EPHA5: variants seen among roughly 807,000 people sequenced by gnomAD.
EPHA5 encodes ephrin type-A receptor 5.
A neutral mutation model predicts 105.0 loss-of-function variants in EPHA5; 60 were observed. That is an observed-to-expected ratio of 0.57 (90% CI 0.46 to 0.71). The LOEUF is 0.71. EPHA5 is among the 30% of genes least tolerant of loss of function. The probability of loss-of-function intolerance (pLI) is 0.00; values close to 1 mark genes in which losing one functional copy is unlikely to be tolerated. For synonymous variants in EPHA5, 513 were observed against 449.1 expected (o/e 1.14, Z -1.80); for missense variants, 1,218 against 1,274.7 (o/e 0.96, Z 0.68).
At chr4:65,555,291 G>C (rs1738316960) in intron 3 of EPHA5, among the ~76,000 whole-genome samples, 1 of 151,854 alleles carries the variant, frequency 6.6e-6, no homozygotes, top group African/African-American at 2.4e-5. Flanking sequence ...ATACCCGAGG[G>C]CTGTATTTGG....
At chr4:65,372,240 G>C (rs1439026344) in intron 8 of EPHA5, among the ~76,000 whole-genome samples, 1 of 151,750 alleles carries the variant, frequency 6.6e-6, no homozygotes, top group Non-Finnish European at 1.5e-5. Flanking sequence ...TTTTCACTTC[G>C]GGATTTTCTC....
chr4:65,450,714 T>A (rs1304480398), intron 5 of EPHA5, among the ~76,000 whole-genome samples: 1 of 152,212 alleles, frequency 6.6e-6, no homozygotes, highest in Non-Finnish European at 1.5e-5. Flanking sequence ...TCAATTCATT[T>A]TTTTGACAGA....
intron 14 of EPHA5, among the ~76,000 whole-genome samples, chr4:65,346,402 T>G (rs995193039): frequency 1.3e-5 from 2 of 152,050 alleles, no homozygotes; most frequent in Admixed American, 1.3e-4. Context: ...CTTATGGATT[T>G]TTCCTGTTTT....
At chr4:65,369,686 G>A (rs1718266975) in intron 8 of EPHA5, among the ~76,000 whole-genome samples, 1 of 152,048 alleles carries the variant, frequency 6.6e-6, no homozygotes, top group Non-Finnish European at 1.5e-5. Flanking sequence ...ACAGTTATCT[G>A]GCTGGGCGTG....
chr4:65,518,222 T>C (rs1435803301), intron 3 of EPHA5, among the ~76,000 whole-genome samples: 1 of 151,966 alleles, frequency 6.6e-6, no homozygotes, highest in Non-Finnish European at 1.5e-5. Flanking sequence ...AATTCATATT[T>C]GTTTAAATTA....
At chr4:65,346,492 C>T (rs1472078980) in intron 14 of EPHA5, among the ~76,000 whole-genome samples, 1 of 151,830 alleles carries the variant, frequency 6.6e-6, no homozygotes, top group South Asian at 2.1e-4. Context: ...TTTATTCCAC[C>T]TCACATGTAT....
chr4:65,558,934 T>A (rs1738738412), intron 3 of EPHA5, among the ~76,000 whole-genome samples: 1 of 152,122 alleles, frequency 6.6e-6, no homozygotes. Context: ...AGTGATTTTT[T>A]AAAACAGTAA....
intron 14 of EPHA5, among the ~76,000 whole-genome samples, chr4:65,337,885 C>T (rs75114352): frequency 0.029 from 4,353 of 151,974 alleles, 76 homozygotes; most frequent in Non-Finnish European, 0.045. Context: ...CTCAAGGACT[C>T]CAAAATTAAA....
intron 13 of EPHA5, among the ~76,000 whole-genome samples, chr4:65,348,692 A>G (rs1722476504): frequency 1.0e-4 from 5 of 48,366 alleles, no homozygotes; most frequent in African/African-American, 2.6e-4. Flanking sequence ...ATATATATAT[A>G]TATATAAAAT....
intron 3 of EPHA5, among the ~76,000 whole-genome samples, chr4:65,546,151 C>G (rs879820267): frequency 4.6e-5 from 7 of 151,942 alleles, no homozygotes; most frequent in African/African-American, 9.7e-5. Context: ...TTTTAACTTA[C>G]TGCATTTTAA....
chr4:65,467,896 C>T (rs1030135111), intron 5 of EPHA5, among the ~76,000 whole-genome samples: 1 of 152,050 alleles, frequency 6.6e-6, no homozygotes, highest in African/African-American at 2.4e-5. Context: ...AACATTTGAG[C>T]CATCATTGCT....
chr4:65,412,227 A>G (rs183440495), intron 7 of EPHA5, among the ~76,000 whole-genome samples: 178 of 152,292 alleles, frequency 1.2e-3, no homozygotes, highest in African/African-American at 4.1e-3. Context: ...GACTCTCTCA[A>G]TATAAATAAA....
At chr4:65,370,763 G>A (rs954832689) in intron 8 of EPHA5, among the ~76,000 whole-genome samples, 1 of 152,112 alleles carries the variant, frequency 6.6e-6, no homozygotes, top group African/African-American at 2.4e-5. Flanking sequence ...GCAATTGAAA[G>A]GAGTTATTTT....
intron 5 of EPHA5, among the ~76,000 whole-genome samples, chr4:65,466,220 A>G (rs1395365189): frequency 6.6e-6 from 1 of 152,222 alleles, no homozygotes; most frequent in African/African-American, 2.4e-5. Flanking sequence ...GGTAACAATA[A>G]TGCCAAAGTT....
intron 3 of EPHA5, among the ~76,000 whole-genome samples, chr4:65,575,378 C>A (rs968595497): frequency 1.3e-5 from 2 of 152,184 alleles, no homozygotes; most frequent in Non-Finnish European, 2.9e-5. Context: ...ATACTCTGTT[C>A]TCTCTACCTA....
intron 13 of EPHA5, among the ~76,000 whole-genome samples, chr4:65,350,708 C>T (rs1016173184): frequency 6.6e-6 from 1 of 151,874 alleles, no homozygotes; most frequent in African/African-American, 2.4e-5. Flanking sequence ...AATTATATAC[C>T]ATATCAATAC....
At position 65,364,882 on chromosome 4, in the gene EPHA5, T is replaced by C. The variant is rs190835246; in HGVS notation, c.2173+135A>G. ...AAGATTAGCTTTAACAAAAATCTAC[T>C]AAAATACAGGATAAACATTAATATT... is the stretch of plus-strand genomic sequence containing the variant. On this transcript the variant is annotated intron_variant, in intron 11 of 16. Coordinates refer to ENST00000613740, the MANE Select transcript of EPHA5 (RefSeq NM_001281766.3). The C allele has an allele frequency of 3.7e-4, 231 of 622,826 alleles. 2 individuals carry two copies. The highest frequency in any genetic ancestry group is 2.3e-3 in the Middle Eastern group (6 of 2,576). 38.6% of individuals were successfully genotyped at this position (622,826 alleles called of 1,614,324 possible).
intron 3 of EPHA5, among the ~76,000 whole-genome samples, chr4:65,512,032 A>G (rs545055559): frequency 3.4e-4 from 52 of 152,304 alleles, no homozygotes; most frequent in South Asian, 1.9e-3. Context: ...TATGTGTAAA[A>G]GTAAAAAAGA....
At chr4:65,532,967 C>A in intron 3 of EPHA5, among the ~76,000 whole-genome samples, 1 of 152,130 alleles carries the variant, frequency 6.6e-6, no homozygotes, top group Non-Finnish European at 1.5e-5. Context: ...GTAGCACAGT[C>A]ATGCTTCCAT....
Sources: gnomAD v4.1 joint callset for allele counts (sites outside exome capture counted in the v4.1 genomes callset) on GRCh38, gnomAD v4.1.1 for gene constraint, MANE v1.5 for transcripts, NCBI Gene and HGNC (gene_info 2026-07-23, HGNC 2026-07-21) for gene names.